Variants in DSG2 observed in about 807,000 individuals in gnomAD.
DSG2 encodes desmoglein-2.
Under a neutral mutation model 75.6 loss-of-function variants are expected in DSG2, and 45 were observed. The ratio of observed to expected loss-of-function variants is 0.60; its 90% CI spans 0.47 to 0.76. DSG2 has a LOEUF of 0.76. DSG2 is among the 30% of genes least tolerant of loss of function. The pLI, the probability that DSG2 is intolerant of heterozygous loss-of-function variation, is 0.00. For synonymous variants in DSG2, 429 were observed against 483.9 expected, an observed-to-expected ratio of 0.89 and a Z score of 1.49; for missense variants, 1,267 against 1,357.4, an observed-to-expected ratio of 0.93 and a Z score of 1.05.
At position 31,531,219 on chromosome 18, in the gene DSG2, TTGA is replaced by T; in HGVS notation, c.1251_1253del (p.Asp417del). 1 of 1,614,190 alleles carries T rather than the reference TTGA, an allele frequency of 6.2e-7. No homozygotes were observed. The highest frequency in any genetic ancestry group is 8.5e-7 in the Non-Finnish European group (1 of 1,180,026). Reference sequence around the variant, plus strand: ...CAAATAATTGGAAATTTTCAAGCTTTTGATGAGGACACTGGACTACCAGCCCAT... The same window carrying T: ...CAAATAATTGGAAATTTTCAAGCTTTTGAGGACACTGGACTACCAGCCCAT... On this transcript the variant is annotated inframe_deletion, in exon 9 of 15. Coordinates refer to ENST00000261590, the MANE Select transcript of DSG2 (RefSeq NM_001943.5).
rs550400909 is a variant in DSG2, at chr18:31,536,420, C to G, written c.1642C>G (p.Arg548Gly). 1.2e-6 allele frequency: 2 copies of G among 1,613,352 alleles called. No homozygotes were observed. The highest frequency in any genetic ancestry group is 2.7e-5 in the African/African-American group (2 of 75,022). ...CATGGCAGAAAAATGGAAAATAGCA[C>G]GCCAAGAAAGTAAGCAAAATCACTG... The part of the protein sequence containing the change: ...PGMAEKWKIA[R>G]QESTSVLLQQ... Residue 548 changes from arginine to glycine, a missense_variant, in exon 11 of 15, where the codon CGC becomes GGC. Coordinates refer to ENST00000261590, the MANE Select transcript of DSG2 (RefSeq NM_001943.5).
rs2144341791 is a variant in DSG2 at position 31,536,339 on chromosome 18, G to A, written c.1561G>A (p.Asp521Asn). The A allele has an allele frequency of 6.2e-7, 1 of 1,614,188 alleles. No individual in the cohort carries two copies. The highest frequency in any genetic ancestry group is 8.5e-7 in the Non-Finnish European group (1 of 1,180,042). ...TGTGAATGTTACTGCAGAGGACCTG[G>A]ATGGACACCCAAACAGTGGCCCTTT... ...EYVNVTAEDLDGHPNSGPFSF... is the reference protein window; with the variant it reads ...EYVNVTAEDLNGHPNSGPFSF... The change falls in exon 11 of 15, where the codon GAT (aspartate) becomes AAT (asparagine). Residue 521 changes from aspartate to asparagine, a missense_variant. Coordinates refer to ENST00000261590, the MANE Select transcript of DSG2 (RefSeq NM_001943.5).
intron 8 of DSG2, among the ~76,000 whole-genome samples, chr18:31,528,166 G>T (rs567273715): frequency 1.8e-4 from 27 of 152,228 alleles, no homozygotes; most frequent in Non-Finnish European, 2.1e-4. Flanking sequence ...CACAAGAGTA[G>T]TTATATGACC....
chr18:31,508,913 T>C (rs75727526), intron 1 of DSG2, among the ~76,000 whole-genome samples: 1 of 152,154 alleles, frequency 6.6e-6, no homozygotes, highest in Non-Finnish European at 1.5e-5. Context: ...ATACAAATTC[T>C]TGGACCCCAT....
intron 6 of DSG2, among the ~76,000 whole-genome samples, chr18:31,523,864 CTGAG>C (rs1250245343): frequency 2.0e-5 from 3 of 152,220 alleles, no homozygotes; most frequent in Non-Finnish European, 2.9e-5. Context: ...CTGCTGTGCA[CTGAG>C]TGGTTCTGCC....
At chr18:31,534,662 C>T (rs2073218242) in intron 9 of DSG2, among the ~76,000 whole-genome samples, 1 of 151,988 alleles carries the variant, frequency 6.6e-6, no homozygotes, top group African/African-American at 2.4e-5. Flanking sequence ...AGGCACGTGC[C>T]ACCATGCCCG....
Position 31,542,832 on chromosome 18 carries a change from T to C in DSG2, c.2314T>C (p.Leu772=). The C allele has an allele frequency of 3.2e-6, 5 of 1,558,114 alleles. No homozygotes were observed. The South Asian group carries it at 3.7e-5, about 11-fold the overall frequency. ...AAAVALNEEF[L]RNYFTDKAAS... ...TGCTGTTGCACTGAACGAAGAATTC[T>C]TAAGAAATTATTTCACTGATGTAAG... The change falls in exon 14 of 15, where the codon TTA becomes CTA. Residue 772 remains leucine, a synonymous_variant. Coordinates refer to ENST00000261590, the MANE Select transcript of DSG2 (RefSeq NM_001943.5).
At chr18:31,501,514 C>T (rs1350933683) in intron 1 of DSG2, among the ~76,000 whole-genome samples, 1 of 152,212 alleles carries the variant, frequency 6.6e-6, no homozygotes, top group Non-Finnish European at 1.5e-5. Flanking sequence ...TGGGCAGGGC[C>T]ATGCTCCCTC....
chr18:31,534,508 A>ATTTTTTTTTTTT (rs80270967), intron 9 of DSG2, among the ~76,000 whole-genome samples: 3 of 112,584 alleles, frequency 2.7e-5, no homozygotes, highest in Non-Finnish European at 5.2e-5. Context: ...ATGATCATTG[A>ATTTTTTTTTTTT]TTTTTTTTTT....
At position 31,548,770 on chromosome 18, in the gene DSG2, A is replaced by T. The variant is rs2073332809; in HGVS notation, c.*2027A>T. 1 of 152,166 alleles carries T rather than the reference A, an allele frequency of 6.6e-6. No homozygotes were observed. The highest frequency in any genetic ancestry group is 1.5e-5 in the Non-Finnish European group (1 of 68,002). 9.4% of individuals were successfully genotyped at this position (152,166 alleles called of 1,614,324 possible). On this transcript the variant is annotated 3_prime_UTR_variant, in exon 15 of 15. Coordinates refer to ENST00000261590, the MANE Select transcript of DSG2 (RefSeq NM_001943.5). The stretch of plus-strand genomic sequence containing the variant: ...TGTTCCTGAAAAAGTGATTTGTATT[A>T]GTTTTACATTTGTTTTTTGGAAGAT...
intron 1 of DSG2, among the ~76,000 whole-genome samples, chr18:31,505,204 AT>A (rs1056815450): frequency 9.2e-5 from 14 of 152,152 alleles, no homozygotes; most frequent in African/African-American, 3.4e-4. Context: ...ACTACTTCTC[AT>A]TTTTTGTCCA....
intron 1 of DSG2, among the ~76,000 whole-genome samples, chr18:31,516,946 A>T (rs2073097819): frequency 6.6e-6 from 1 of 152,242 alleles, no homozygotes; most frequent in African/African-American, 2.4e-5. Flanking sequence ...CCCTTAGCAC[A>T]TGTGGCTGTG....
intron 1 of DSG2, among the ~76,000 whole-genome samples, chr18:31,515,161 G>A (rs1338713202): frequency 2.0e-5 from 3 of 152,092 alleles, no homozygotes; most frequent in African/African-American, 7.2e-5. Flanking sequence ...AGAGTGCAGT[G>A]GCGCGATCTC....
chr18:31,498,295 T>A lies in DSG2; in HGVS notation c.44T>A (p.Leu15Gln), dbSNP rs372174546. 9.3e-4 allele frequency: 1,177 copies of A among 1,263,690 alleles called. No homozygotes were observed. Among genetic ancestry groups the A allele is most frequent in the Non-Finnish European group, 1.1e-3 (1,133 of 998,770 alleles). The allele number at this position is 1,263,690 out of a possible 1,614,324, so 78.3% of individuals were successfully genotyped here. Residue 15 changes from leucine to glutamine, a missense_variant and splice_region_variant, in exon 1 of 15, where the codon CTG (leucine) becomes CAG (glutamine). By Grantham distance (113) the Leu-to-Gln change is moderately radical. Coordinates refer to ENST00000261590, the MANE Select transcript of DSG2 (RefSeq NM_001943.5). ...PGRAYALLLL[L>Q]ICFNVGSGLH... ...CGCGCGTACGCCCTGCTGCTTCTCC[T>A]GGTAAGTGCCGCAAGCGGGACAGGG... is the stretch of plus-strand genomic sequence containing the variant.
At position 31,542,676 on chromosome 18, in the gene DSG2, G is replaced by A; in HGVS notation, c.2158G>A (p.Glu720Lys). Residue 720 changes from glutamate to lysine, a missense_variant, in exon 14 of 15, where the codon GAA (glutamate) becomes AAA (lysine). Glu to Lys is a moderately conservative substitution (Grantham distance 56). Transcript: ENST00000261590. ...GTCCGAGATGGATGGAAGGTGGGAA[G>A]AACACAGAAGCCTGCTTTCTGGTAG... ...EMSEMDGRWE[E>K]HRSLLSGRAT... The A allele has an allele frequency of 6.2e-7, 1 of 1,614,196 alleles. No individual in the cohort carries two copies. The highest frequency in any genetic ancestry group is 1.1e-5 in the South Asian group (1 of 91,084).
Position 31,521,253 on chromosome 18 carries a change from T to C in DSG2, c.523+10T>C. ...GAGTTGAGTGCAGCACGTAAGAGTC[T>C]TTTTTTTTTTTTTTAATAAATAAAT... On this transcript the variant is annotated intron_variant, in intron 5 of 14. Coordinates refer to ENST00000261590, the MANE Select transcript of DSG2 (RefSeq NM_001943.5). 1 of 264,578 alleles carries C rather than the reference T, an allele frequency of 3.8e-6. No individual in the cohort carries two copies. The allele number at this position is 264,578 out of a possible 1,614,324, so 16.4% of individuals were successfully genotyped here.
intron 1 of DSG2, among the ~76,000 whole-genome samples, chr18:31,504,710 C>T (rs992084939): frequency 6.6e-6 from 1 of 152,186 alleles, no homozygotes; most frequent in Non-Finnish European, 1.5e-5. Flanking sequence ...CCATGCTCGT[C>T]ATTGAGCCGC....
Position 31,498,202 on chromosome 18 carries a change from AGGC to A in DSG2, c.-42_-40del. 1.4e-5 allele frequency: 17 copies of A among 1,232,212 alleles called. No individual in the cohort carries two copies. Among genetic ancestry groups the A allele is most frequent in the Non-Finnish European group, 1.7e-5 (17 of 984,708 alleles). 76.3% of individuals were successfully genotyped at this position (1,232,212 alleles called of 1,614,324 possible). ...GAGGAGCCGAGTGCGCGCTCGGGGC[AGGC>A]GGCGGCGCGGAGCGGTGCGGCGGCG... On this transcript the variant is annotated 5_prime_UTR_variant, in exon 1 of 15. Transcript: ENST00000261590.
chr18:31,528,498 G>A (rs58290380), intron 8 of DSG2, among the ~76,000 whole-genome samples: 3,837 of 152,184 alleles, frequency 0.025, 175 homozygotes, highest in African/African-American at 0.087. Flanking sequence ...GATCACCTGA[G>A]CTCAGGAGTT....
Sources: allele counts gnomAD v4.1 joint callset (sites outside exome capture counted in the v4.1 genomes callset), GRCh38; gene constraint gnomAD v4.1.1; transcripts MANE v1.5; gene names NCBI Gene and HGNC (gene_info 2026-07-23, HGNC 2026-07-21).